The following ZNF469 variants were observed in gnomAD, a reference collection of about 807,000 sequenced individuals.
ZNF469 encodes the protein zinc finger protein 469.
Under a neutral mutation model 1.0 loss-of-function variants are expected in ZNF469, and 1 was observed. The ratio of observed to expected loss-of-function variants is 1.00; its 90% confidence interval spans 0.35 to 4.73. The LOEUF is 4.73. ZNF469 is among the 30% of genes most tolerant of loss of function. The probability of loss-of-function intolerance (pLI) is 0.16; values close to 1 mark genes in which losing one functional copy is unlikely to be tolerated. For missense variants in ZNF469, 6,100 were observed against 5,356.3 expected, an observed-to-expected ratio of 1.14 and a Z score of -4.33; for synonymous variants, 2,703 against 2,363.4, an observed-to-expected ratio of 1.14 and a Z score of -4.17.
chr16:88,192,865 GTGGTGGTGATGATGA>G, the ZNF469 span, among the ~76,000 whole-genome samples: 18 of 83,052 alleles, frequency 2.2e-4, no homozygotes, highest in East Asian at 4.0e-4. Flanking sequence ...GGTGATGACG[GTGGTGGTGATGATGA>G]TGATGGTGGT....
chr16:88,118,873 T>C, the ZNF469 span, among the ~76,000 whole-genome samples: 38 of 152,322 alleles, frequency 2.5e-4, no homozygotes, highest in East Asian at 6.7e-3. Flanking sequence ...AGTTTACAAA[T>C]AGATGCCGAG....
intron 1 of ZNF469, among the ~76,000 whole-genome samples, chr16:88,388,995 G>C: frequency 6.6e-6 from 1 of 152,216 alleles, no homozygotes; most frequent in East Asian, 1.9e-4. Flanking sequence ...CTTCGCTGTA[G>C]GAACCTTTTC....
At chr16:88,293,510 A>G in the ZNF469 span, among the ~76,000 whole-genome samples, 1 of 152,106 alleles carries the variant, frequency 6.6e-6, no homozygotes, top group Non-Finnish European at 1.5e-5. Context: ...ATGGGTAGGT[A>G]GATAGATGAA....
chr16:88,193,706 A>T, the ZNF469 span: 4 of 152,246 alleles, frequency 2.6e-5, no homozygotes, highest in Non-Finnish European at 5.9e-5. Flanking sequence ...TGTCTCTAAA[A>T]AAACCCCAAA....
chr16:88,167,339 G>T, the ZNF469 span, among the ~76,000 whole-genome samples: 1 of 152,152 alleles, frequency 6.6e-6, no homozygotes, highest in Non-Finnish European at 1.5e-5. Flanking sequence ...TGGGATTACA[G>T]GCGTGAGCCA....
At chr16:88,103,248 C>T in the ZNF469 span, among the ~76,000 whole-genome samples, 25 of 151,918 alleles carry the variant, frequency 1.6e-4, no homozygotes, top group East Asian at 7.8e-4. Flanking sequence ...CTCTTAGGGA[C>T]GCAGAGCTTC....
the ZNF469 span, among the ~76,000 whole-genome samples, chr16:88,283,878 C>T: frequency 1.7e-4 from 23 of 133,588 alleles, no homozygotes; most frequent in Non-Finnish European, 3.0e-4. Flanking sequence ...CCAGTGTGTC[C>T]GGAGTGCCTG....
At chr16:88,413,872 TGGCAGGTGCCATGGA>T (rs908763369) in intron 1 of ZNF469, among the ~76,000 whole-genome samples, 15 of 152,074 alleles carry the variant, frequency 9.9e-5, no homozygotes, top group African/African-American at 2.9e-4. Flanking sequence ...GTGAGTGTGG[TGGCAGGTGCCATGGA>T]GGCAGGTGCC....
chr16:88,297,263 A>G, the ZNF469 span, among the ~76,000 whole-genome samples: 20 of 152,258 alleles, frequency 1.3e-4, no homozygotes, highest in African/African-American at 3.8e-4. Flanking sequence ...CTACAAAGCT[A>G]ATGGCGGGGG....
At chr16:88,376,982 C>T in the ZNF469 span, among the ~76,000 whole-genome samples, 5 of 152,372 alleles carry the variant, frequency 3.3e-5, no homozygotes, top group African/African-American at 7.2e-5. Context: ...CTCATGCCGC[C>T]GGGAGGGCCA....
rs1330268184 is a variant in ZNF469, at chr16:88,433,165, A to G, written c.5695A>G (p.Ser1899Gly). 1 of 1,550,240 alleles carries G rather than the reference A, an allele frequency of 6.5e-7. No individual in the cohort carries two copies. Among genetic ancestry groups the G allele is most frequent in the East Asian group, 2.4e-5 (1 of 40,890 alleles). ...PSRRSQDPALSPPIRQLQLPG... is the reference protein window; with the variant it reads ...PSRRSQDPALGPPIRQLQLPG... ...CAGGAGGTCCCAGGACCCAGCTTTGAGCCCCCCCATACGTCAGCTCCAGCT... is the reference window on the plus strand; with the variant it reads ...CAGGAGGTCCCAGGACCCAGCTTTGGGCCCCCCCATACGTCAGCTCCAGCT... The change falls in exon 3 of 3, where the codon AGC becomes GGC. Residue 1899 changes from serine (S) to glycine (G), a missense_variant. Coordinates refer to ENST00000565624, the MANE Select transcript of ZNF469 (RefSeq NM_001367624.2).
At chr16:88,381,505 G>A (rs976323375), upstream of ZNF469, among the ~76,000 whole-genome samples, 1 of 152,186 alleles carries the variant, frequency 6.6e-6, no homozygotes, top group Non-Finnish European at 1.5e-5. Context: ...GGAAGGAAAC[G>A]CCCTCTGGGG....
At chr16:88,348,110 C>T in the ZNF469 span, among the ~76,000 whole-genome samples, 1 of 152,268 alleles carries the variant, frequency 6.6e-6, no homozygotes, top group Non-Finnish European at 1.5e-5. Context: ...GGCCCACCTG[C>T]CCCTTCGCAT....
chr16:88,111,009 C>T, the ZNF469 span, among the ~76,000 whole-genome samples: 686 of 152,366 alleles, frequency 4.5e-3, 1 homozygote, highest in African/African-American at 0.014. Flanking sequence ...GCGGCCCAGA[C>T]GGGCACTCGT....
the ZNF469 span, among the ~76,000 whole-genome samples, chr16:88,262,637 T>C: frequency 6.6e-6 from 1 of 152,034 alleles, no homozygotes; most frequent in Non-Finnish European, 1.5e-5. The surrounding 1 kb of genome is among the most constrained non-coding windows in gnomAD (Gnocchi z 4.3). Flanking sequence ...AGAGGCTCCC[T>C]ATTGGGGTCC....
rs1906823426 is a variant in ZNF469 at position 88,439,126 on chromosome 16, CAG to C, written c.11659_11660del (p.Arg3887GlufsTer28). On this transcript the variant is annotated frameshift_variant, in exon 3 of 3. Coordinates refer to ENST00000565624, the MANE Select transcript of ZNF469 (RefSeq NM_001367624.2). LOFTEE classifies it low-confidence loss of function (END_TRUNC). ...EQRKAEPGHT[Q>X]RKDRLGKAFP... ...GCGGAAGGCAGAGCCGGGCCACACACAGAGGAAGGACAGACTGGGCAAGGCCT... is the reference window on the plus strand; with the variant it reads ...GCGGAAGGCAGAGCCGGGCCACACACAGGAAGGACAGACTGGGCAAGGCCT... 2 of 1,550,908 alleles carry C rather than the reference CAG, an allele frequency of 1.3e-6. No individual in the cohort carries two copies. Among genetic ancestry groups the C allele is most frequent in the Admixed American group, 2.0e-5 (1 of 51,018 alleles).
the ZNF469 span, among the ~76,000 whole-genome samples, chr16:88,175,845 A>C: frequency 3.3e-5 from 5 of 152,242 alleles, no homozygotes; most frequent in Non-Finnish European, 7.3e-5. Flanking sequence ...AGAATCAGTA[A>C]AACAGAAACA....
the ZNF469 span, among the ~76,000 whole-genome samples, chr16:88,139,613 GT>G: frequency 3.3e-5 from 5 of 151,618 alleles, no homozygotes; most frequent in South Asian, 2.1e-4. Flanking sequence ...GAAAATTGCT[GT>G]GAAAAGTGGA....
the ZNF469 span, among the ~76,000 whole-genome samples, chr16:88,284,034 A>AGGCTGGTAGACCCCCAGTGTGCCCGAG: frequency 2.5e-5 from 1 of 40,520 alleles, no homozygotes; most frequent in African/African-American, 1.4e-4. Flanking sequence ...GTGTGTCCGG[A>AGGCTGGTAGACCCCCAGTGTGCCCGAG]GTGCCTGAGG....
Sources: gnomAD v4.1 joint callset for allele counts (sites outside exome capture counted in the v4.1 genomes callset) on GRCh38, gnomAD v4.1.1 for gene constraint, Gnocchi (gnomAD v3.1) non-coding constraint, MANE v1.5 for transcripts, NCBI Gene and HGNC (gene_info 2026-07-23, HGNC 2026-07-21) for gene names.